The following MRPS28 variants were observed in gnomAD, a reference collection of about 807,000 sequenced individuals.
MRPS28 encodes the protein small ribosomal subunit protein bS1m.
MRPS28 carries 7 observed loss-of-function variants against 10.8 expected under a neutral mutation model. That is an observed-to-expected ratio of 0.65 (90% CI 0.37 to 1.22). MRPS28 has a LOEUF of 1.22. Ranked by LOEUF, MRPS28 falls within the 50% of genes most tolerant of loss-of-function variation. The pLI is 0.02. For synonymous variants in MRPS28, 121 were observed against 93.3 expected (o/e 1.30, Z -1.71); for missense variants, 265 against 232.9 (o/e 1.14, Z -0.90).
chr8:79,951,913 T>C (rs1807088865), intron 2 of MRPS28, among the ~76,000 whole-genome samples: 1 of 152,164 alleles, frequency 6.6e-6, no homozygotes, highest in East Asian at 1.9e-4. Flanking sequence ...CACAACACAA[T>C]CACAACTGTC....
chr8:79,937,278 T>C (rs950710550), intron 2 of MRPS28, among the ~76,000 whole-genome samples: 3 of 152,248 alleles, frequency 2.0e-5, no homozygotes, highest in African/African-American at 7.2e-5. Flanking sequence ...AAAAGTTACA[T>C]TAATATTTTC....
intron 1 of MRPS28, among the ~76,000 whole-genome samples, chr8:80,010,620 T>A (rs1809014510): frequency 6.6e-6 from 1 of 152,342 alleles, no homozygotes; most frequent in East Asian, 1.9e-4. Flanking sequence ...AATGTAAATT[T>A]TCCAATTTTT....
intron 2 of MRPS28, among the ~76,000 whole-genome samples, chr8:80,000,511 G>A (rs1808632855): frequency 1.3e-5 from 2 of 152,122 alleles, no homozygotes; most frequent in South Asian, 2.1e-4. Flanking sequence ...GCTTCACTGG[G>A]GGGAGAACAG....
intron 2 of MRPS28, among the ~76,000 whole-genome samples, chr8:79,977,986 GTTAA>G (rs1441793075): frequency 6.6e-6 from 1 of 151,396 alleles, no homozygotes; most frequent in Non-Finnish European, 1.5e-5. Flanking sequence ...TATTTGCTTG[GTTAA>G]TTATCCAATT....
At chr8:80,015,602 A>T (rs1259798637) in intron 1 of MRPS28, among the ~76,000 whole-genome samples, 1 of 152,202 alleles carries the variant, frequency 6.6e-6, no homozygotes, top group Non-Finnish European at 1.5e-5. Flanking sequence ...ATTGACAGCC[A>T]TTCCTTTTAC....
At chr8:80,015,159 G>A (rs1809161918) in intron 1 of MRPS28, among the ~76,000 whole-genome samples, 5 of 152,118 alleles carry the variant, frequency 3.3e-5, no homozygotes, top group Admixed American at 3.3e-4. Flanking sequence ...AGCTCAACCT[G>A]GTCCTTACAG....
At chr8:79,982,298 T>A (rs1807982217) in intron 2 of MRPS28, among the ~76,000 whole-genome samples, 1 of 152,144 alleles carries the variant, frequency 6.6e-6, no homozygotes, top group Non-Finnish European at 1.5e-5. Context: ...GATGGCCAAA[T>A]AGGAACAGAT....
intron 1 of MRPS28, 49 bp downstream of exon 1, chr8:80,029,987 C>A: frequency 6.3e-7 from 1 of 1,591,906 alleles, no homozygotes. Context: ...CCGCCCACCG[C>A]GTCGTTGGCG....
chr8:79,992,971 T>C (rs955171132), intron 2 of MRPS28, among the ~76,000 whole-genome samples: 9 of 152,226 alleles, frequency 5.9e-5, no homozygotes, highest in Admixed American at 2.0e-4. Flanking sequence ...ATTATTGTTC[T>C]TATAATTAAT....
chr8:79,986,459 C>G (rs1808178223), intron 2 of MRPS28, among the ~76,000 whole-genome samples: 1 of 152,130 alleles, frequency 6.6e-6, no homozygotes, highest in Non-Finnish European at 1.5e-5. Context: ...AAAGGGTATT[C>G]AATTAGGAAA....
chr8:79,955,661 A>G (rs1807187584), intron 2 of MRPS28, among the ~76,000 whole-genome samples: 1 of 152,182 alleles, frequency 6.6e-6, no homozygotes. Context: ...TTCCACTTCC[A>G]GGTACTTCAT....
At chr8:79,970,992 T>C (rs1363551458) in intron 2 of MRPS28, among the ~76,000 whole-genome samples, 1 of 152,142 alleles carries the variant, frequency 6.6e-6, no homozygotes, top group Non-Finnish European at 1.5e-5. Flanking sequence ...ATGCCGCCTT[T>C]AATATAAACA....
At chr8:80,023,271 A>T (rs1045966674) in intron 1 of MRPS28, among the ~76,000 whole-genome samples, 4 of 152,218 alleles carry the variant, frequency 2.6e-5, no homozygotes, top group Non-Finnish European at 4.4e-5. Flanking sequence ...ACACTGGTAT[A>T]ATTCTTAAAG....
chr8:80,021,334 C>G (rs536146032), intron 1 of MRPS28, among the ~76,000 whole-genome samples: 1 of 152,260 alleles, frequency 6.6e-6, no homozygotes, highest in South Asian at 2.1e-4. Context: ...ACTGGAACAT[C>G]TGCTCAAAAA....
chr8:80,017,883 C>T (rs1809237938), intron 1 of MRPS28, among the ~76,000 whole-genome samples: 1 of 152,078 alleles, frequency 6.6e-6, no homozygotes, highest in African/African-American at 2.4e-5. Context: ...AAATTATATA[C>T]CACAACTGAG....
intron 2 of MRPS28, among the ~76,000 whole-genome samples, chr8:79,968,211 T>A (rs887656402): frequency 6.6e-6 from 1 of 152,164 alleles, no homozygotes; most frequent in South Asian, 2.1e-4. Flanking sequence ...AAATCTCCAA[T>A]ATATTTTGTA....
intron 1 of MRPS28, among the ~76,000 whole-genome samples, chr8:80,016,956 A>T (rs1809213157): frequency 6.6e-6 from 1 of 152,188 alleles, no homozygotes; most frequent in Non-Finnish European, 1.5e-5. Flanking sequence ...ACTGGATATG[A>T]TGGACATCTG....
At chr8:80,004,203 G>A (rs560296124) in intron 1 of MRPS28, among the ~76,000 whole-genome samples, 1 of 152,214 alleles carries the variant, frequency 6.6e-6, no homozygotes, top group Non-Finnish European at 1.5e-5. Context: ...GTGGGTCCCT[G>A]ACCCCTGAGT....
chr8:79,994,463 A>G (rs1452451657), intron 2 of MRPS28, among the ~76,000 whole-genome samples: 2 of 152,132 alleles, frequency 1.3e-5, no homozygotes, highest in Non-Finnish European at 2.9e-5. Flanking sequence ...CTCACTACCC[A>G]GTCCATTCAT....
Sources: allele counts gnomAD v4.1 joint callset (sites outside exome capture counted in the v4.1 genomes callset), GRCh38; gene constraint gnomAD v4.1.1; transcripts MANE v1.5; gene names NCBI Gene and HGNC (gene_info 2026-07-23, HGNC 2026-07-21).